The following USP8 variants were observed in gnomAD, a reference collection of about 807,000 sequenced individuals.
USP8 encodes ubiquitin specific peptidase 8.
A neutral mutation model predicts 130.0 loss-of-function variants in USP8; 27 were observed. The observed-to-expected ratio is 0.21, with a 90% CI of 0.15 to 0.29. The LOEUF is 0.29. Among genes scored for constraint, USP8 ranks in the 10% least tolerant of loss-of-function variants. USP8 has a pLI of 1.00. For synonymous variants in USP8, 392 were observed against 444.1 expected (o/e 0.88, Z 1.48); for missense variants, 1,029 against 1,312.2 (o/e 0.78, Z 3.33).
chr15:50,460,146 C>T (rs1460707888), intron 5 of USP8, among the ~76,000 whole-genome samples: 8 of 150,900 alleles, frequency 5.3e-5, no homozygotes, highest in East Asian at 3.9e-4. Context: ...TACAGGCGCC[C>T]GCCACCACAC....
At chr15:50,477,886 T>C (rs1359635118) in intron 10 of USP8, among the ~76,000 whole-genome samples, 1 of 151,984 alleles carries the variant, frequency 6.6e-6, no homozygotes, top group African/African-American at 2.4e-5. Context: ...CGAAGTTTAA[T>C]ATATAACCTT....
intron 4 of USP8, among the ~76,000 whole-genome samples, chr15:50,453,294 C>T (rs2050681420): frequency 6.6e-6 from 1 of 152,140 alleles, no homozygotes; most frequent in South Asian, 2.1e-4. Flanking sequence ...CACTTTTGTT[C>T]CATTTATTTT....
Position 50,510,028 on chromosome 15 carries a change from TAAG to T in USP8, c.*10943_*10945del, listed in dbSNP as rs2052716875. 6.6e-6 allele frequency: 1 copy of T among 152,072 alleles called. No homozygotes were observed. Among genetic ancestry groups the T allele is most frequent in the Non-Finnish European group, 1.5e-5 (1 of 68,014 alleles). 9.4% of individuals were successfully genotyped at this position (152,072 alleles called of 1,614,324 possible). ...TATAATTAATATTCATAAGCTAAAT[TAAG>T]AATTAATTCAATATTAATTTAATAA... On this transcript the variant is annotated 3_prime_UTR_variant, in exon 20 of 20. Transcript: ENST00000307179.
chr15:50,496,251 G>C (rs947785398), intron 17 of USP8, among the ~76,000 whole-genome samples, 167 bp downstream of exon 17: 1 of 152,104 alleles, frequency 6.6e-6, no homozygotes, highest in Non-Finnish European at 1.5e-5. Context: ...GGAGGCCGAG[G>C]TGGGCGGATC....
chr15:50,439,830 T>TAA (rs2050197683), intron 2 of USP8, among the ~76,000 whole-genome samples: 1 of 97,314 alleles, frequency 1.0e-5, no homozygotes, highest in East Asian at 4.8e-4. Context: ...TAATAATAAT[T>TAA]TTTTTTTTCC....
At chr15:50,448,825 T>C (rs1054470960) in intron 3 of USP8, among the ~76,000 whole-genome samples, 2 of 152,122 alleles carry the variant, frequency 1.3e-5, no homozygotes, top group African/African-American at 4.8e-5. Flanking sequence ...CGGCCTAGAT[T>C]ATACTATTAA....
chr15:50,436,592 G>A (rs1290900649), intron 1 of USP8, among the ~76,000 whole-genome samples: 1 of 152,012 alleles, frequency 6.6e-6, no homozygotes, highest in Non-Finnish European at 1.5e-5. Flanking sequence ...TCACCTCCCG[G>A]GTTCAAGTGA....
intron 9 of USP8, 78 bp from the exon 10 acceptor site, chr15:50,477,198 A>G (rs1002379359): frequency 2.2e-6 from 3 of 1,356,104 alleles, no homozygotes; most frequent in Non-Finnish European, 3.0e-6. Context: ...TAATTACTGC[A>G]TTAACACGCA....
At chr15:50,461,421 A>T (rs868866177) in intron 5 of USP8, among the ~76,000 whole-genome samples, 4 of 141,804 alleles carry the variant, frequency 2.8e-5, no homozygotes, top group African/African-American at 5.3e-5. Flanking sequence ...ATGCAACTGC[A>T]CTCCAGCTTG....
At chr15:50,476,449 A>G (rs2051570765) in intron 8 of USP8, among the ~76,000 whole-genome samples, 1 of 152,200 alleles carries the variant, frequency 6.6e-6, no homozygotes, top group Non-Finnish European at 1.5e-5. Context: ...CAGTAGTCGA[A>G]TATTACCTAG....
chr15:50,452,905 A>G (rs1189050587), intron 4 of USP8, among the ~76,000 whole-genome samples: 1 of 152,182 alleles, frequency 6.6e-6, no homozygotes, highest in Non-Finnish European at 1.5e-5. Flanking sequence ...TCGTCCTGGC[A>G]CTCTAGTGAT....
At chr15:50,489,766 T>A (rs3098176) in intron 12 of USP8, 35 bp from the exon 13 acceptor site, 568,090 of 1,326,810 alleles carry the variant, frequency 0.43, 122,958 homozygotes, top group East Asian at 0.56. Flanking sequence ...TTAAAAAAAA[T>A]TTTTTTTTAA....
At chr15:50,445,568 A>AAAAAAAAAAAAAAAAAAAAC (rs1248390470) in intron 3 of USP8, among the ~76,000 whole-genome samples, 1 of 112,788 alleles carries the variant, frequency 8.9e-6, no homozygotes, top group Non-Finnish European at 1.8e-5. Flanking sequence ...AAAAAAAAAA[A>AAAAAAAAAAAAAAAAAAAAC]AGCCTGGGCA....
chr15:50,442,216 T>C (rs1165704687), intron 3 of USP8, among the ~76,000 whole-genome samples: 7 of 152,026 alleles, frequency 4.6e-5, no homozygotes, highest in African/African-American at 1.7e-4. Context: ...TCAGTTGATC[T>C]GCCTGCCTCG....
chr15:50,489,836 A>G lies in USP8; in HGVS notation c.1926A>G (p.Glu642=). The G allele has an allele frequency of 6.4e-7, 1 of 1,574,354 alleles. No homozygotes were observed. The highest frequency in any genetic ancestry group is 1.4e-5 in the African/African-American group (1 of 73,476). Residue 642 remains glutamate (E), a synonymous_variant, in exon 13 of 20, where the codon GAA becomes GAG. Coordinates refer to ENST00000307179, the MANE Select transcript of USP8 (RefSeq NM_005154.5). Reference sequence around the variant, plus strand: ...AACCTTTGACAAGAGCACGAAGTGAAGAAATGGGGAGGATCGTACCAGGAC... The same window carrying G: ...AACCTTTGACAAGAGCACGAAGTGAGGAAATGGGGAGGATCGTACCAGGAC... ...QREPLTRARS[E]EMGRIVPGLP... is the part of the protein sequence containing the mutation.
intron 3 of USP8, among the ~76,000 whole-genome samples, chr15:50,442,491 C>G (rs2050292072): frequency 6.8e-6 from 1 of 147,348 alleles, no homozygotes; most frequent in Admixed American, 7.2e-5. Context: ...ACCTGTAATC[C>G]CAGCACTTTT....
chr15:50,486,161 A>G (rs756743034), intron 12 of USP8, among the ~76,000 whole-genome samples: 1 of 152,112 alleles, frequency 6.6e-6, no homozygotes, highest in Non-Finnish European at 1.5e-5. Context: ...CAGCCTTGGC[A>G]ACATAGCAAG....
chr15:50,473,821 T>TA lies in USP8; in HGVS notation c.849+2026_849+2027insA, dbSNP rs201359126. On this transcript the variant is annotated intron_variant, in intron 8 of 19. Coordinates refer to ENST00000307179, the MANE Select transcript of USP8 (RefSeq NM_005154.5). ...GCATCTAAGTATATATATATATATA[T>TA]TTTTTTAATTTAATTTAATTTTATT... is the stretch of plus-strand genomic sequence containing the variant. Among the ~76,000 whole-genome samples the TA allele has an allele frequency of 5.5e-3, 776 of 141,346 alleles. 11 individuals are homozygous for TA. The highest frequency in any genetic ancestry group is 0.018 in the African/African-American group (721 of 40,360). 92.7% of individuals were successfully genotyped at this position (141,346 alleles called of 152,430 possible). A position where few individuals can be genotyped will look rare whatever the true frequency, so the allele number is the denominator to read the frequency against.
chr15:50,439,790 C>CAATAATAAT (rs57780466), intron 2 of USP8, among the ~76,000 whole-genome samples: 3,045 of 133,474 alleles, frequency 0.023, 57 homozygotes, highest in East Asian at 0.056. Flanking sequence ...AACTCTGTCT[C>CAATAATAAT]AATAATAATA....
Sources: allele counts gnomAD v4.1 joint callset (sites outside exome capture counted in the v4.1 genomes callset), GRCh38; gene constraint gnomAD v4.1.1; transcripts MANE v1.5; gene names NCBI Gene and HGNC (gene_info 2026-07-23, HGNC 2026-07-21).